Variants in PRRX2 observed in about 807,000 individuals in gnomAD.
PRRX2 encodes the protein paired mesoderm homeobox protein 2.
A neutral mutation model predicts 18.0 loss-of-function variants in PRRX2; 11 were observed. That is an observed-to-expected ratio of 0.61 (90% CI 0.39 to 1.01). The LOEUF is 1.01. PRRX2 is among the 50% of genes least tolerant of loss of function. The pLI is 0.01. For synonymous variants in PRRX2, 177 were observed against 154.8 expected, an observed-to-expected ratio of 1.14 and a Z score of -1.06; for missense variants, 387 against 351.0, an observed-to-expected ratio of 1.10 and a Z score of -0.82.
At chr9:129,700,815 T>C (rs1832484361) in intron 1 of PRRX2, among the ~76,000 whole-genome samples, 1 of 151,512 alleles carries the variant, frequency 6.6e-6, no homozygotes, top group African/African-American at 2.4e-5. Flanking sequence ...GTGGGGGTTT[T>C]GCCATGTTGT....
rs1460986589 is a variant in PRRX2 at position 129,671,743 on chromosome 9, G to A, written c.259+5617G>A. The stretch of plus-strand genomic sequence containing the variant: ...CTCTCTGAGGGCCTGTGAGTCAGGC[G>A]AGGCTGTCAGAGGCCCAGACAGGCA... On this transcript the variant is annotated intron_variant, in intron 1 of 3. Transcript: ENST00000372469. This position sits in a 1 kb window ranked among gnomAD's most constrained non-coding sequence, Gnocchi z 4.0. Among the ~76,000 whole-genome samples the A allele has an allele frequency of 2.0e-5, 3 of 152,350 alleles. No individual in the cohort carries two copies. The highest frequency in any genetic ancestry group is 6.5e-5 in the Admixed American group (1 of 15,308).
chr9:129,704,979 C>G (rs753762060), intron 1 of PRRX2, among the ~76,000 whole-genome samples: 1 of 152,156 alleles, frequency 6.6e-6, no homozygotes, highest in African/African-American at 2.4e-5. Context: ...GCTTTCCTCC[C>G]GATACCAGCG....
At chr9:129,680,327 G>C (rs1777016029) in intron 1 of PRRX2, among the ~76,000 whole-genome samples, 1 of 151,448 alleles carries the variant, frequency 6.6e-6, no homozygotes, top group African/African-American at 2.4e-5. Context: ...CTTGAACCTG[G>C]GAGGCGGAGG....
chr9:129,680,415 AAG>A (rs57993849), intron 1 of PRRX2, among the ~76,000 whole-genome samples: 2,112 of 129,396 alleles, frequency 0.016, 106 homozygotes, highest in African/African-American at 0.056. Context: ...AAAAAAAAAA[AAG>A]AAAAGAAAAG....
chr9:129,698,970 C>G (rs187278178), intron 1 of PRRX2, among the ~76,000 whole-genome samples: 3 of 152,232 alleles, frequency 2.0e-5, no homozygotes, highest in African/African-American at 7.2e-5. Flanking sequence ...TCAGGATAGC[C>G]TGACTGTCCC....
intron 1 of PRRX2, among the ~76,000 whole-genome samples, chr9:129,670,937 G>A (rs1222486389): frequency 6.6e-6 from 1 of 152,306 alleles, no homozygotes; most frequent in African/African-American, 2.4e-5. Context: ...ATTCTTTGGG[G>A]TGCTGGGATG....
intron 1 of PRRX2, among the ~76,000 whole-genome samples, chr9:129,706,254 T>G (rs1296386025): frequency 6.6e-6 from 1 of 151,962 alleles, no homozygotes; most frequent in Non-Finnish European, 1.5e-5. Flanking sequence ...GAGACCAGGC[T>G]GGACAACATA....
rs970953981 is a variant in PRRX2 at position 129,678,183 on chromosome 9, C to T, written c.259+12057C>T. Among the ~76,000 whole-genome samples the T allele has an allele frequency of 4.6e-5, 7 of 152,148 alleles. No homozygotes were observed. The South Asian group carries it at 6.2e-4, about 14-fold the overall frequency. On this transcript the variant is annotated intron_variant, in intron 1 of 3. Coordinates refer to ENST00000372469, the MANE Select transcript of PRRX2 (RefSeq NM_016307.4). ...TTTGTCACGTTGGCCAGGCTGGTCT[C>T]GAACTCCTGGCCTCAGGTGATCCGC...
intron 1 of PRRX2, among the ~76,000 whole-genome samples, chr9:129,666,920 T>G (rs1378206318): frequency 1.3e-5 from 2 of 152,176 alleles, no homozygotes; most frequent in Non-Finnish European, 2.9e-5. Context: ...TGGGCCGGCC[T>G]GCTGGGGGCT....
chr9:129,719,543 C>T (rs867773201), intron 2 of PRRX2, 125 bp downstream of exon 2: 35 of 1,231,818 alleles, frequency 2.8e-5, no homozygotes, highest in East Asian at 2.6e-4. Context: ...GCCAGGAGGA[C>T]GGGGGTTCAG....
intron 1 of PRRX2, among the ~76,000 whole-genome samples, chr9:129,689,630 A>G (rs1420076878): frequency 1.3e-5 from 2 of 151,642 alleles, no homozygotes; most frequent in Non-Finnish European, 2.9e-5. Context: ...AGTGGTCCTC[A>G]ACCCTGGCTG....
In PRRX2 at chr9:129,709,593, G is replaced by C. The variant is rs925936236; in HGVS notation, c.260-9638G>C. ...ATGGGATGGGGCCCCCTGGGGACCT[G>C]TCTGACTCCTCGGGCCCCACTGCGG... On this transcript the variant is annotated intron_variant, in intron 1 of 3. Transcript: ENST00000372469. The surrounding 1 kb of genome is among the most constrained non-coding windows in gnomAD (Gnocchi z 4.2). Among the ~76,000 whole-genome samples, 4 of 152,228 alleles carry C rather than the reference G, an allele frequency of 2.6e-5. No homozygotes were observed. The highest frequency in any genetic ancestry group is 2.6e-4 in the Admixed American group (4 of 15,284).
Position 129,712,639 on chromosome 9 carries a change from A to C in PRRX2, c.260-6592A>C, listed in dbSNP as rs185915531. Among the ~76,000 whole-genome samples, 230 of 152,254 alleles carry C rather than the reference A, an allele frequency of 1.5e-3. 2 individuals are homozygous for C. The highest frequency in any genetic ancestry group is 5.3e-3 in the African/African-American group (220 of 41,552). On this transcript the variant is annotated intron_variant, in intron 1 of 3. Coordinates refer to ENST00000372469, the MANE Select transcript of PRRX2 (RefSeq NM_016307.4). ...GGACGATGTCGTTTTGGTTTTAAGG[A>C]GGAGACAGCGCGAGACAGGCCTCCC... is the stretch of plus-strand genomic sequence containing the variant.
At chr9:129,691,613 A>C (rs754401318) in intron 1 of PRRX2, among the ~76,000 whole-genome samples, 1 of 151,432 alleles carries the variant, frequency 6.6e-6, no homozygotes, top group Non-Finnish European at 1.5e-5. Flanking sequence ...TAAATTAAGG[A>C]TCTCCTCCCC....
At chr9:129,676,509 T>C (rs1288463812) in intron 1 of PRRX2, among the ~76,000 whole-genome samples, 1 of 152,158 alleles carries the variant, frequency 6.6e-6, no homozygotes. Context: ...CTAAGTGACT[T>C]GCCCAAGGTC....
chr9:129,704,501 G>T (rs1832535648), intron 1 of PRRX2, among the ~76,000 whole-genome samples: 1 of 152,122 alleles, frequency 6.6e-6, no homozygotes, highest in African/African-American at 2.4e-5. Context: ...TAACCCAATT[G>T]CTGGGTTGGG....
chr9:129,687,864 A>G (rs1031298566), intron 1 of PRRX2, among the ~76,000 whole-genome samples: 2 of 152,200 alleles, frequency 1.3e-5, no homozygotes, highest in East Asian at 1.9e-4. Context: ...ACCTGATGAC[A>G]GTAGCCCCCT....
chr9:129,690,606 A>C (rs1464130051), intron 1 of PRRX2, among the ~76,000 whole-genome samples: 1 of 151,366 alleles, frequency 6.6e-6, no homozygotes, highest in East Asian at 2.0e-4. Flanking sequence ...TCCTGGGTTC[A>C]AGCGATTCTC....
Position 129,705,870 on chromosome 9 carries a change from G to A in PRRX2, c.260-13361G>A, listed in dbSNP as rs1467685271. On this transcript the variant is annotated intron_variant, in intron 1 of 3. Coordinates refer to ENST00000372469, the MANE Select transcript of PRRX2 (RefSeq NM_016307.4). ...GCAGGTGGATCGCCTGAGGTCAGGA[G>A]TTCAAGAGCCACTCCTGCTGGCTCT... Among the ~76,000 whole-genome samples, 7 of 151,602 alleles carry A rather than the reference G, an allele frequency of 4.6e-5. No homozygotes were observed. In the East Asian group the frequency reaches 1.2e-3, roughly 26 times the overall value.
Sources: allele counts gnomAD v4.1 joint callset (sites outside exome capture counted in the v4.1 genomes callset), GRCh38; gene constraint gnomAD v4.1.1; non-coding constraint Gnocchi (gnomAD v3.1); transcripts MANE v1.5; gene names NCBI Gene and HGNC (gene_info 2026-07-23, HGNC 2026-07-21).